The following SP140 variants were observed in gnomAD, a reference collection of about 807,000 sequenced individuals.
SP140 encodes nuclear body protein SP140.
In SP140, 81 loss-of-function variants were observed where a neutral mutation model predicts 125.0. The ratio of observed to expected loss-of-function variants is 0.65; its 90% CI spans 0.54 to 0.78. The LOEUF (loss-of-function observed/expected upper bound fraction) is 0.78, where lower values mean the gene tolerates loss of function less well. SP140 is among the 30% of genes least tolerant of loss of function. SP140 has a pLI of 0.00. For synonymous variants in SP140, 312 were observed against 354.0 expected (o/e 0.88, Z 1.33); for missense variants, 858 against 1,037.0 (o/e 0.83, Z 2.37).
chr2:230,222,082 T>C (rs2045865781), upstream of SP140, among the ~76,000 whole-genome samples: 2 of 151,952 alleles, frequency 1.3e-5, no homozygotes, highest in Admixed American at 1.3e-4. Flanking sequence ...ACAAAAAAAT[T>C]AGCTGGGCGT....
intron 15 of SP140, among the ~76,000 whole-genome samples, chr2:230,271,362 G>C (rs74872329): frequency 0.018 from 2,729 of 152,248 alleles, 82 homozygotes; most frequent in African/African-American, 0.062. Context: ...GTAGTCCTTA[G>C]TAGAAACATG....
intron 3 of SP140, chr2:230,239,059 AG>A (rs2048360334): frequency 7.1e-7 from 1 of 1,403,196 alleles, no homozygotes; most frequent in Non-Finnish European, 9.2e-7. Context: ...GAAGGAATAA[AG>A]GGCATTTAAA....
intron 18 of SP140, among the ~76,000 whole-genome samples, chr2:230,288,483 TTC>T (rs1317168277): frequency 1.2e-4 from 14 of 113,746 alleles, no homozygotes; most frequent in Non-Finnish European, 3.8e-5. Flanking sequence ...CTTTCTTTCT[TTC>T]TTTCTTTCTT....
upstream of SP140, chr2:230,202,451 C>A: frequency 3.6e-6 from 3 of 828,690 alleles, no homozygotes; most frequent in South Asian, 1.6e-5. Context: ...TTGTTATACC[C>A]CATCCTCATT....
chr2:230,299,853 T>C (rs1208091920), intron 22 of SP140, among the ~76,000 whole-genome samples: 1 of 152,066 alleles, frequency 6.6e-6, no homozygotes, highest in Non-Finnish European at 1.5e-5. Flanking sequence ...CCCTTACTTA[T>C]CTGGTGAACT....
At chr2:230,281,927 C>T (rs986726736) in intron 15 of SP140, among the ~76,000 whole-genome samples, 16 of 152,078 alleles carry the variant, frequency 1.1e-4, no homozygotes, top group African/African-American at 3.6e-4. Context: ...ACAAAATTGC[C>T]GGGATATAGA....
intron 9 of SP140, among the ~76,000 whole-genome samples, chr2:230,249,287 A>C (rs111894230): frequency 1.3e-5 from 2 of 152,302 alleles, no homozygotes; most frequent in African/African-American, 4.8e-5. Context: ...AAATAACAGC[A>C]GATTATGGCA....
At chr2:230,314,140 G>C (rs2059463850), downstream of SP140, among the ~76,000 whole-genome samples, 1 of 152,170 alleles carries the variant, frequency 6.6e-6, no homozygotes, top group Non-Finnish European at 1.5e-5. Context: ...ATGAAACTCA[G>C]CATGGGGCTA....
In SP140 at chr2:230,255,545, G is replaced by C. The variant is rs201022800; in HGVS notation, c.1240+13G>C. ...AGACGTGGGTCAGGTAAGGACGGGG[G>C]GGGGGATTTCTGGCCCTGGGCTGCA... On this transcript the variant is annotated intron_variant, in intron 12 of 26. Coordinates refer to ENST00000392045, the MANE Select transcript of SP140 (RefSeq NM_007237.5). 20 of 1,611,288 alleles carry C rather than the reference G, an allele frequency of 1.2e-5. No individual in the cohort carries two copies. Among genetic ancestry groups the C allele is most frequent in the African/African-American group, 4.0e-5 (3 of 74,928 alleles).
rs533824739 is a variant in SP140, at chr2:230,294,107, A to G, written c.1969-164A>G. On this transcript the variant is annotated intron_variant, in intron 20 of 26. Coordinates refer to ENST00000392045, the MANE Select transcript of SP140 (RefSeq NM_007237.5). ...CTGGCTTCTATTGATTGAAGTCTAG[A>G]AGAAGCACAGGTGAAGACAGGGAGA... is the stretch of plus-strand genomic sequence containing the variant. Among the ~76,000 whole-genome samples the G allele has an allele frequency of 2.2e-3, 342 of 152,350 alleles. 16 individuals carry two copies. The South Asian group carries it at 0.067, about 30-fold the overall frequency.
chr2:230,199,769 T>C (rs1253914937), upstream of SP140, among the ~76,000 whole-genome samples: 2 of 152,200 alleles, frequency 1.3e-5, no homozygotes, highest in African/African-American at 4.8e-5. Flanking sequence ...CCATAGGATC[T>C]TGGAAGTAAT....
chr2:230,289,672 G>A (rs572630000), intron 18 of SP140, among the ~76,000 whole-genome samples: 50 of 152,030 alleles, frequency 3.3e-4, no homozygotes, highest in Admixed American at 3.3e-4. Context: ...ATGGAGTTTC[G>A]CCATGTTGGC....
intron 12 of SP140, among the ~76,000 whole-genome samples, chr2:230,258,438 T>C (rs2051619887): frequency 6.6e-6 from 1 of 152,228 alleles, no homozygotes; most frequent in Non-Finnish European, 1.5e-5. Context: ...CTATCCTATT[T>C]ATTCCCTTTT....
chr2:230,214,851 C>T (rs573064771), intron 3 of SP140: 30 of 976,102 alleles, frequency 3.1e-5, no homozygotes, highest in South Asian at 5.3e-5. Context: ...AGAGAGAAGG[C>T]GGGGGATTAA....
the SP140 span, among the ~76,000 whole-genome samples, chr2:230,188,528 A>G: frequency 6.6e-6 from 1 of 152,138 alleles, no homozygotes; most frequent in Non-Finnish European, 1.5e-5. Flanking sequence ...ACTATGTTGA[A>G]TAGAAGTGGT....
chr2:230,267,200 T>C (rs185625638), intron 12 of SP140, among the ~76,000 whole-genome samples: 21 of 152,322 alleles, frequency 1.4e-4, no homozygotes, highest in Admixed American at 7.8e-4. Context: ...ATTGTAGTAA[T>C]CTGGTTAGGA....
intron 3 of SP140, among the ~76,000 whole-genome samples, chr2:230,239,248 C>T (rs999988244): frequency 1.3e-5 from 2 of 152,086 alleles, no homozygotes; most frequent in African/African-American, 4.8e-5. Flanking sequence ...GGATTGGTTT[C>T]AGGAATACCC....
upstream of SP140, chr2:230,202,877 C>A: frequency 1.3e-6 from 1 of 748,414 alleles, no homozygotes; most frequent in East Asian, 2.5e-5. Context: ...CCTCCTACTT[C>A]TCTATAATTA....
Position 230,249,102 on chromosome 2 carries a change from A to C in SP140, c.976+134A>C, listed in dbSNP as rs537838194. 7.6e-6 allele frequency: 5 copies of C among 657,076 alleles called. No individual in the cohort carries two copies. The East Asian group carries it at 1.4e-4, about 19-fold the overall frequency. 40.7% of individuals were successfully genotyped at this position (657,076 alleles called of 1,614,324 possible). ...CATACATACAGATGGAATTATGTCAATTTTCTGTTGTGCCTTTTTGAAAAC... is the reference window on the plus strand; with the variant it reads ...CATACATACAGATGGAATTATGTCACTTTTCTGTTGTGCCTTTTTGAAAAC... On this transcript the variant is annotated intron_variant, in intron 9 of 26. Coordinates refer to ENST00000392045, the MANE Select transcript of SP140 (RefSeq NM_007237.5).
Sources: gnomAD v4.1 joint callset for allele counts (sites outside exome capture counted in the v4.1 genomes callset) on GRCh38, gnomAD v4.1.1 for gene constraint, MANE v1.5 for transcripts, NCBI Gene and HGNC (gene_info 2026-07-23, HGNC 2026-07-21) for gene names.